LARGE1: variants seen among roughly 807,000 people sequenced by gnomAD.
LARGE1 encodes the protein LARGE xylosyl- and glucuronyltransferase 1.
A neutral mutation model predicts 87.6 loss-of-function variants in LARGE1; 43 were observed. That is an observed-to-expected ratio of 0.49 (90% confidence interval 0.38 to 0.63). The LOEUF is 0.63. Among genes scored for constraint, LARGE1 ranks in the 30% least tolerant of loss-of-function variants. The pLI is 0.00. For synonymous variants in LARGE1, 434 were observed against 394.6 expected (o/e 1.10, Z -1.18); for missense variants, 802 against 1,000.2 (o/e 0.80, Z 2.67).
At chr22:33,620,625 CA>C (rs2149050873) in intron 4 of LARGE1, among the ~76,000 whole-genome samples, 1 of 152,188 alleles carries the variant, frequency 6.6e-6, no homozygotes, top group African/African-American at 2.4e-5. Flanking sequence ...ACACTGAAAA[CA>C]AAAACAAGAT....
chr22:33,473,207 T>C (rs1261338121), intron 6 of LARGE1, among the ~76,000 whole-genome samples: 3 of 152,070 alleles, frequency 2.0e-5, no homozygotes, highest in Admixed American at 6.6e-5. Context: ...TCACTCTTAT[T>C]GCCCAGGCTG....
intron 9 of LARGE1, among the ~76,000 whole-genome samples, chr22:33,367,374 T>C (rs2064635604): frequency 6.6e-6 from 1 of 152,214 alleles, no homozygotes; most frequent in Non-Finnish European, 1.5e-5. Flanking sequence ...ATCAATTTGC[T>C]GACCAACTTC....
intron 4 of LARGE1, among the ~76,000 whole-genome samples, chr22:33,622,776 G>A (rs1478199923): frequency 6.6e-6 from 1 of 152,188 alleles, no homozygotes; most frequent in African/African-American, 2.4e-5. Flanking sequence ...AGTAGACAGG[G>A]GCTCAGCATA....
chr22:33,113,191 C>T, the LARGE1 span, among the ~76,000 whole-genome samples: 9 of 149,996 alleles, frequency 6.0e-5, no homozygotes, highest in South Asian at 2.1e-4. Context: ...TGTATATTTA[C>T]GTCACTTAAT....
intron 5 of LARGE1, among the ~76,000 whole-genome samples, chr22:33,571,695 C>G (rs745614155): frequency 2.0e-5 from 3 of 152,102 alleles, no homozygotes; most frequent in Non-Finnish European, 4.4e-5. Context: ...ATGGGCTGAC[C>G]TATTGAAACT....
intron 1 of LARGE1, among the ~76,000 whole-genome samples, chr22:33,765,121 C>T (rs424784): frequency 0.91 from 137,818 of 152,222 alleles, 62,498 homozygotes; most frequent in East Asian, 0.97. Context: ...AAATAACCTA[C>T]GAGATAAACA....
chr22:33,704,484 C>T (rs2082501417), intron 2 of LARGE1, among the ~76,000 whole-genome samples: 1 of 152,174 alleles, frequency 6.6e-6, no homozygotes, highest in African/African-American at 2.4e-5. Flanking sequence ...AACATTCCAT[C>T]ATTGAGCTCT....
chr22:33,529,565 C>T (rs777984785), intron 6 of LARGE1, among the ~76,000 whole-genome samples: 3 of 152,206 alleles, frequency 2.0e-5, no homozygotes, highest in Non-Finnish European at 4.4e-5. Context: ...AGGCTCACAG[C>T]CTGCCAAATA....
chr22:33,373,502 G>A (rs889333767), intron 9 of LARGE1, among the ~76,000 whole-genome samples: 6 of 152,154 alleles, frequency 3.9e-5, no homozygotes, highest in African/African-American at 1.4e-4. Flanking sequence ...TCATGTCTCA[G>A]AAGTTCAACT....
At chr22:33,283,567 G>A (rs529288324) in intron 12 of LARGE1, among the ~76,000 whole-genome samples, 1 of 152,280 alleles carries the variant, frequency 6.6e-6, no homozygotes, top group East Asian at 1.9e-4. Flanking sequence ...TTGAGTTCAG[G>A]AGTTTGAGAC....
chr22:33,843,436 C>CAAAA lies in LARGE1; in HGVS notation c.-83+76555_-83+76558dup, dbSNP rs1431718170. Among the ~76,000 whole-genome samples the CAAAA allele has an allele frequency of 2.2e-3, 211 of 97,626 alleles. 1 individual carries two copies. Among genetic ancestry groups the CAAAA allele is most frequent in the Middle Eastern group, 4.8e-3 (1 of 210 alleles). The allele number at this position is 97,626 out of a possible 152,430, so 64.0% of individuals were successfully genotyped here. ...TGAGGGATAGAGCAAGACTCCCTCT[C>CAAAA]AAAAAAATAAATAAATAAATAAATA... is the stretch of plus-strand genomic sequence containing the variant. On this transcript the variant is annotated intron_variant, in intron 1 of 14. Coordinates refer to ENST00000397394, the MANE Select transcript of LARGE1 (RefSeq NM_133642.5).
At chr22:33,390,560 C>T (rs890277055) in intron 7 of LARGE1, among the ~76,000 whole-genome samples, 4 of 152,130 alleles carry the variant, frequency 2.6e-5, no homozygotes, top group African/African-American at 7.2e-5. Context: ...GAATGTCACA[C>T]GTGTGCTCGG....
chr22:33,117,169 T>C, the LARGE1 span, among the ~76,000 whole-genome samples: 1 of 152,220 alleles, frequency 6.6e-6, no homozygotes, highest in Non-Finnish European at 1.5e-5. Context: ...CCTAGTTACC[T>C]TCCTACTTAC....
At chr22:33,372,091 T>C (rs1190773147) in intron 9 of LARGE1, among the ~76,000 whole-genome samples, 1 of 152,174 alleles carries the variant, frequency 6.6e-6, no homozygotes, top group Non-Finnish European at 1.5e-5. Flanking sequence ...GGTTATGCTA[T>C]GTTACATTAA....
chr22:33,768,443 C>T (rs2084971660), intron 1 of LARGE1, among the ~76,000 whole-genome samples: 1 of 147,838 alleles, frequency 6.8e-6, no homozygotes, highest in South Asian at 2.1e-4. Flanking sequence ...CGCTCACACA[C>T]ACACACACAC....
chr22:33,268,529 A>G (rs1222637668), downstream of LARGE1, among the ~76,000 whole-genome samples: 1 of 145,026 alleles, frequency 6.9e-6, no homozygotes, highest in Non-Finnish European at 1.5e-5. Flanking sequence ...CCGGGTTCTC[A>G]CCATTCTCCT....
At position 33,432,343 on chromosome 22, in the gene LARGE1, G is replaced by T; in HGVS notation, c.788-78C>A. 3.8e-6 allele frequency: 4 copies of T among 1,059,500 alleles called. No homozygotes were observed. In the South Asian group the frequency reaches 5.2e-5, roughly 14 times the overall value. 65.6% of individuals were successfully genotyped at this position (1,059,500 alleles called of 1,614,324 possible). A position where few individuals can be genotyped will look rare whatever the true frequency, so the allele number is the denominator to read the frequency against. ...GATCAGTGACTATTGAAGACACAGG[G>T]TAATGGCAAATCATCACAACAACAG... On this transcript the variant is annotated intron_variant, in intron 6 of 14. Transcript: ENST00000397394.
intron 1 of LARGE1, among the ~76,000 whole-genome samples, chr22:33,879,257 C>T (rs1448303783): frequency 6.6e-6 from 1 of 152,200 alleles, no homozygotes; most frequent in East Asian, 1.9e-4. Context: ...TGAGCCACCA[C>T]GCCCAGTCTC....
chr22:33,756,535 G>T (rs1252914235), intron 2 of LARGE1, among the ~76,000 whole-genome samples: 1 of 152,076 alleles, frequency 6.6e-6, no homozygotes, highest in Admixed American at 6.5e-5. Flanking sequence ...CAAAGAAGAG[G>T]AAGGAAGTAA....
Sources: gnomAD v4.1 joint callset for allele counts (sites outside exome capture counted in the v4.1 genomes callset) on GRCh38, gnomAD v4.1.1 for gene constraint, MANE v1.5 for transcripts, NCBI Gene and HGNC (gene_info 2026-07-23, HGNC 2026-07-21) for gene names.